IL1RAPL2: variants seen among roughly 807,000 people sequenced by gnomAD.
IL1RAPL2 encodes the protein interleukin 1 receptor accessory protein like 2.
Under a neutral mutation model 44.1 loss-of-function variants are expected in IL1RAPL2, and 3 were observed. The ratio of observed to expected loss-of-function variants is 0.07; its 90% CI spans 0.03 to 0.18. IL1RAPL2 has a LOEUF of 0.18. Among genes scored for constraint, IL1RAPL2 ranks in the 10% least tolerant of loss-of-function variants. The pLI, the probability that IL1RAPL2 is intolerant of heterozygous loss-of-function variation, is 1.00. For synonymous variants in IL1RAPL2, 181 were observed against 178.8 expected (o/e 1.01, Z -0.10); for missense variants, 391 against 496.4 (o/e 0.79, Z 2.02).
In IL1RAPL2 at chrX:105,462,889, A is replaced by G. The variant is rs143133848; in HGVS notation, c.698-21424A>G. On this transcript the variant is annotated intron_variant, in intron 5 of 10. Transcript: ENST00000372582. ...ACTACTCATCTTTGGTTCAAATCCC[A>G]ACAACAGTCTTCTAATCTCCATCTG... Among the ~76,000 whole-genome samples the G allele has an allele frequency of 7.1e-3, 784 of 110,968 alleles. 4 individuals are homozygous for G. Among genetic ancestry groups the G allele is most frequent in the Middle Eastern group, 0.019 (4 of 215 alleles).
At chrX:105,622,488 T>A (rs1214032925) in intron 6 of IL1RAPL2, among the ~76,000 whole-genome samples, 1 of 110,271 alleles carries the variant, frequency 9.1e-6, no homozygotes, top group Non-Finnish European at 1.9e-5. Context: ...AAATGGTATG[T>A]GTTGTTGTAT....
chrX:105,485,881 C>T (rs2036262874), intron 6 of IL1RAPL2, among the ~76,000 whole-genome samples: 1 of 111,856 alleles, frequency 8.9e-6, no homozygotes, highest in Admixed American at 9.5e-5. Flanking sequence ...AGGTTGCTTC[C>T]AAATCTTGGC....
In IL1RAPL2 at chrX:104,963,918, C is replaced by T. The variant is rs758662522; in HGVS notation, c.83-231557C>T. On this transcript the variant is annotated intron_variant, in intron 2 of 10. Coordinates refer to ENST00000372582, the MANE Select transcript of IL1RAPL2 (RefSeq NM_017416.2). ...TAGTATAACTTAATAATAGGATGTG[C>T]GTGTGTGTGTGTGTGTGAGAGAGAG... Among the ~76,000 whole-genome samples, 464 of 89,238 alleles carry T rather than the reference C, an allele frequency of 5.2e-3. 2 individuals carry two copies. Among genetic ancestry groups the T allele is most frequent in the African/African-American group, 0.018 (438 of 23,885 alleles). The allele number at this position is 89,238 out of a possible 115,157, so 77.5% of individuals were successfully genotyped here. A position where few individuals can be genotyped will look rare whatever the true frequency, so the allele number is the denominator to read the frequency against.
At chrX:104,841,261 T>C (rs1921895289) in intron 2 of IL1RAPL2, among the ~76,000 whole-genome samples, 1 of 111,846 alleles carries the variant, frequency 8.9e-6, no homozygotes, top group Non-Finnish European at 1.9e-5. Flanking sequence ...CCCACCCCTT[T>C]ATTTTGAGCC....
intron 5 of IL1RAPL2, among the ~76,000 whole-genome samples, chrX:105,344,068 T>G (rs2147701053): frequency 9.0e-6 from 1 of 111,111 alleles, no homozygotes; most frequent in African/African-American, 3.3e-5. Context: ...CTAATTTTTC[T>G]ATTTTCAGTA....
intron 5 of IL1RAPL2, among the ~76,000 whole-genome samples, chrX:105,417,345 T>A (rs1356949969): frequency 8.9e-6 from 1 of 111,862 alleles, no homozygotes; most frequent in Non-Finnish European, 1.9e-5. Context: ...TGGTGGCGTG[T>A]GCCTGTAATC....
intron 2 of IL1RAPL2, among the ~76,000 whole-genome samples, chrX:104,665,087 A>C (rs919203568): frequency 9.0e-6 from 1 of 111,044 alleles, no homozygotes; most frequent in Non-Finnish European, 1.9e-5. Flanking sequence ...TATATAAATA[A>C]GTTAATTTGT....
intron 2 of IL1RAPL2, among the ~76,000 whole-genome samples, chrX:105,060,949 C>T (rs892317533): frequency 2.1e-4 from 23 of 110,482 alleles, no homozygotes; most frequent in Non-Finnish European, 4.0e-4. Flanking sequence ...TTTTCTTAGT[C>T]TGATTAAAGG....
intron 1 of IL1RAPL2, among the ~76,000 whole-genome samples, chrX:104,597,929 T>C (rs1223068855): frequency 8.9e-6 from 1 of 112,034 alleles, no homozygotes; most frequent in East Asian, 2.8e-4. Context: ...TAGTAATCTT[T>C]TAATGTAGGT....
chrX:104,979,640 T>C (rs2030400946), intron 2 of IL1RAPL2, among the ~76,000 whole-genome samples: 1 of 112,090 alleles, frequency 8.9e-6, no homozygotes, highest in Non-Finnish European at 1.9e-5. Context: ...TAGGAAACAA[T>C]CATCAGTTAC....
intron 1 of IL1RAPL2, among the ~76,000 whole-genome samples, chrX:104,592,788 C>T (rs1206524767): frequency 8.9e-6 from 1 of 111,771 alleles, no homozygotes; most frequent in Non-Finnish European, 1.9e-5. Flanking sequence ...ATAGCCGGTT[C>T]CATTTTGGAA....
intron 5 of IL1RAPL2, among the ~76,000 whole-genome samples, chrX:105,327,412 G>A (rs1351731613): frequency 8.9e-6 from 1 of 111,868 alleles, no homozygotes; most frequent in African/African-American, 3.3e-5. Context: ...TTGAAGTTCA[G>A]TCTTATAATG....
At chrX:105,544,898 G>A (rs990636251) in intron 6 of IL1RAPL2, among the ~76,000 whole-genome samples, 1 of 110,295 alleles carries the variant, frequency 9.1e-6, no homozygotes, top group African/African-American at 3.3e-5. Flanking sequence ...TTTCTTAATG[G>A]TTGCTCTAGG....
intron 4 of IL1RAPL2, among the ~76,000 whole-genome samples, chrX:105,249,595 C>T: frequency 9.0e-6 from 1 of 111,164 alleles, no homozygotes; most frequent in South Asian, 3.7e-4. Flanking sequence ...ATCAAAATAA[C>T]TCATGTCATC....
intron 2 of IL1RAPL2, among the ~76,000 whole-genome samples, chrX:105,042,025 T>C (rs1442229057): frequency 9.0e-6 from 1 of 111,116 alleles, no homozygotes; most frequent in African/African-American, 3.3e-5. Flanking sequence ...GCTAGCCATA[T>C]GTAGAAAGCT....
chrX:104,802,531 T>G (rs891624845), intron 2 of IL1RAPL2, among the ~76,000 whole-genome samples: 1 of 111,024 alleles, frequency 9.0e-6, no homozygotes, highest in Non-Finnish European at 1.9e-5. Flanking sequence ...TTCACATAAT[T>G]GTTTTCATTG....
chrX:105,699,157 T>C (rs2038100347), intron 6 of IL1RAPL2, among the ~76,000 whole-genome samples: 1 of 111,415 alleles, frequency 9.0e-6, no homozygotes, highest in Admixed American at 9.6e-5. Context: ...AATAATCAAT[T>C]TTATACTTAA....
intron 6 of IL1RAPL2, among the ~76,000 whole-genome samples, chrX:105,534,977 A>G (rs761340924): frequency 8.9e-6 from 1 of 112,031 alleles, no homozygotes; most frequent in Non-Finnish European, 1.9e-5. Flanking sequence ...GAGTTCTTAA[A>G]CATGCCATCA....
At chrX:105,331,190 A>G (rs1296383903) in intron 5 of IL1RAPL2, among the ~76,000 whole-genome samples, 1 of 111,166 alleles carries the variant, frequency 9.0e-6, no homozygotes, top group Non-Finnish European at 1.9e-5. Context: ...CACACAGAAC[A>G]TTTTATGGCT....
Sources: gnomAD v4.1 joint callset for allele counts (sites outside exome capture counted in the v4.1 genomes callset) on GRCh38, gnomAD v4.1.1 for gene constraint, MANE v1.5 for transcripts, NCBI Gene and HGNC (gene_info 2026-07-23, HGNC 2026-07-21) for gene names.